Variants in PTPRN2 observed in about 807,000 individuals in gnomAD.
PTPRN2 encodes the protein protein tyrosine phosphatase receptor type N2.
A neutral mutation model predicts 118.8 loss-of-function variants in PTPRN2; 74 were observed. The observed-to-expected ratio is 0.62, with a 90% confidence interval of 0.52 to 0.76. The LOEUF is 0.76. Among genes scored for constraint, PTPRN2 ranks in the 30% least tolerant of loss-of-function variants. The pLI is 0.00. For missense variants in PTPRN2, 1,481 were observed against 1,394.4 expected (o/e 1.06, Z -0.99); for synonymous variants, 641 against 608.0 (o/e 1.05, Z -0.80).
intron 3 of PTPRN2, among the ~76,000 whole-genome samples, chr7:158,227,130 T>C (rs1473927367): frequency 1.3e-5 from 2 of 151,962 alleles, no homozygotes; most frequent in Non-Finnish European, 2.9e-5. Flanking sequence ...GGGAGGTCAG[T>C]TGGGAGAAGG....
chr7:157,946,061 A>G (rs2128796551), intron 11 of PTPRN2, among the ~76,000 whole-genome samples: 1 of 152,322 alleles, frequency 6.6e-6, no homozygotes, highest in South Asian at 2.1e-4. Context: ...TTGAAGACTC[A>G]GGCAAACTTA....
intron 12 of PTPRN2, among the ~76,000 whole-genome samples, chr7:157,891,430 G>T (rs1029862185): frequency 1.6e-4 from 5 of 30,514 alleles, no homozygotes; most frequent in Non-Finnish European, 3.5e-4. Flanking sequence ...CCCACCCCAG[G>T]TAACAAACAT....
intron 5 of PTPRN2, among the ~76,000 whole-genome samples, chr7:158,186,314 C>T (rs886154024): frequency 2.0e-5 from 3 of 152,084 alleles, no homozygotes; most frequent in Non-Finnish European, 4.4e-5. Flanking sequence ...GCAGATTTCT[C>T]CTGGGGCTCA....
At chr7:157,905,606 A>T (rs1473659663) in intron 11 of PTPRN2, among the ~76,000 whole-genome samples, 1 of 152,260 alleles carries the variant, frequency 6.6e-6, no homozygotes, top group Non-Finnish European at 1.5e-5. Context: ...TATCAGACTA[A>T]TTCTTTGCAC....
chr7:158,449,904 G>A (rs750332985), intron 2 of PTPRN2, among the ~76,000 whole-genome samples: 6 of 152,242 alleles, frequency 3.9e-5, no homozygotes, highest in Non-Finnish European at 7.3e-5. Context: ...AAACGTTGCT[G>A]TAGTACAGAC....
rs981941467 is a variant in PTPRN2, at chr7:157,779,119, C to T, written c.1789-96182G>A. On this transcript the variant is annotated intron_variant, in intron 12 of 22. Transcript: ENST00000389418. The surrounding 1 kb of genome is among the most constrained non-coding windows in gnomAD (Gnocchi z 4.7). ...CCCTCAAGCAAATGCCACCTAGAAG[C>T]AAAACCTGACTTAGGTCACCAGGTG... Among the ~76,000 whole-genome samples, 3 of 152,192 alleles carry T rather than the reference C, an allele frequency of 2.0e-5. No individual in the cohort carries two copies. The highest frequency in any genetic ancestry group is 7.2e-5 in the African/African-American group (3 of 41,454).
intron 1 of PTPRN2, among the ~76,000 whole-genome samples, chr7:158,558,389 G>A (rs977255733): frequency 1.3e-5 from 2 of 152,200 alleles, no homozygotes; most frequent in African/African-American, 4.8e-5. Flanking sequence ...CTATGGCCAT[G>A]TTCTCTTCTT....
intron 12 of PTPRN2, among the ~76,000 whole-genome samples, chr7:157,697,744 T>C (rs574975196): frequency 7.1e-6 from 1 of 141,440 alleles, no homozygotes; most frequent in African/African-American, 2.7e-5. Flanking sequence ...GGCAGAGCCC[T>C]CACCGTCTAC....
intron 11 of PTPRN2, among the ~76,000 whole-genome samples, chr7:157,989,718 C>G (rs530592448): frequency 6.6e-6 from 1 of 152,130 alleles, no homozygotes; most frequent in African/African-American, 2.4e-5. Flanking sequence ...GGGTACCTGA[C>G]GGGCCGGAAT....
At chr7:158,371,241 T>A (rs6459871) in intron 2 of PTPRN2, among the ~76,000 whole-genome samples, 1 of 151,168 alleles carries the variant, frequency 6.6e-6, no homozygotes, top group South Asian at 2.1e-4. Context: ...CTTTTTTTGG[T>A]AGGAAAAATT....
At chr7:158,071,277 CCCG>C (rs1472375076) in intron 11 of PTPRN2, among the ~76,000 whole-genome samples, 18 of 93,310 alleles carry the variant, frequency 1.9e-4, no homozygotes, top group African/African-American at 4.7e-4. Flanking sequence ...GGTGGAGGTG[CCCG>C]TGGTGGTGGA....
At chr7:157,959,257 G>T (rs1801373578) in intron 11 of PTPRN2, among the ~76,000 whole-genome samples, 1 of 152,154 alleles carries the variant, frequency 6.6e-6, no homozygotes, top group Non-Finnish European at 1.5e-5. Context: ...AAACTATAAA[G>T]CTCTAGGAAG....
At chr7:157,915,621 C>T (rs1213627528) in intron 11 of PTPRN2, among the ~76,000 whole-genome samples, 1 of 152,052 alleles carries the variant, frequency 6.6e-6, no homozygotes, top group East Asian at 1.9e-4. Flanking sequence ...ATTAGCCTTA[C>T]CATATCAGGA....
intron 2 of PTPRN2, among the ~76,000 whole-genome samples, chr7:158,341,657 C>T (rs1381646675): frequency 9.3e-6 from 1 of 107,086 alleles, no homozygotes; most frequent in Non-Finnish European, 1.9e-5. Context: ...TCACTCACAC[C>T]CACACTCTCA....
chr7:158,570,536 G>C lies in PTPRN2; in HGVS notation c.112+17022C>G, dbSNP rs1362712858. 6.6e-6 allele frequency among the ~76,000 whole-genome samples: 1 copy of C among 152,044 alleles called. No homozygotes were observed. The highest frequency in any genetic ancestry group is 2.4e-5 in the African/African-American group (1 of 41,420). ...TCCCCGTGGTGGGTCCCGATCCCCC[G>C]GCCGGCTCTGCCACTGAAGCCTCTC... On this transcript the variant is annotated intron_variant, in intron 1 of 22. Transcript: ENST00000389418. The surrounding 1 kb of genome is among the most constrained non-coding windows in gnomAD (Gnocchi z 4.5).
intron 12 of PTPRN2, among the ~76,000 whole-genome samples, chr7:157,745,135 G>A (rs1800845920): frequency 6.6e-6 from 1 of 152,174 alleles, no homozygotes; most frequent in African/African-American, 2.4e-5. Context: ...TCCAGGAGTG[G>A]CCACCCCAGC....
At chr7:158,554,258 C>T (rs923671997) in intron 1 of PTPRN2, among the ~76,000 whole-genome samples, 1 of 152,082 alleles carries the variant, frequency 6.6e-6, no homozygotes, top group African/African-American at 2.4e-5. Context: ...GAGTGAGACT[C>T]CGTCTCAAAC....
intron 19 of PTPRN2, among the ~76,000 whole-genome samples, chr7:157,574,661 G>A (rs939222729): frequency 2.0e-5 from 3 of 152,210 alleles, no homozygotes; most frequent in African/African-American, 7.2e-5. Context: ...TGGCGAACGC[G>A]CCAGGCCAGA....
At chr7:157,766,206 T>TCCACCCAC (rs757588810) in intron 12 of PTPRN2, among the ~76,000 whole-genome samples, 1 of 145,102 alleles carries the variant, frequency 6.9e-6, no homozygotes, top group Non-Finnish European at 1.5e-5. Flanking sequence ...CATCCATCCA[T>TCCACCCAC]CCATCCACCC....
Sources: gnomAD v4.1 joint callset for allele counts (sites outside exome capture counted in the v4.1 genomes callset) on GRCh38, gnomAD v4.1.1 for gene constraint, Gnocchi (gnomAD v3.1) non-coding constraint, MANE v1.5 for transcripts, NCBI Gene and HGNC (gene_info 2026-07-23, HGNC 2026-07-21) for gene names.